The following MRPL1 variants were observed in gnomAD, a reference collection of about 807,000 sequenced individuals.
MRPL1 encodes large ribosomal subunit protein uL1m.
In MRPL1, 28 loss-of-function variants were observed where a neutral mutation model predicts 38.0. The observed-to-expected ratio is 0.74, with a 90% CI of 0.55 to 1.01. The LOEUF is 1.01. Ranked by LOEUF, MRPL1 falls within the 50% of genes least tolerant of loss-of-function variation. The pLI is 0.00. For synonymous variants in MRPL1, 123 were observed against 126.7 expected, an observed-to-expected ratio of 0.97 and a Z score of 0.20; for missense variants, 358 against 389.8, an observed-to-expected ratio of 0.92 and a Z score of 0.69.
At chr4:77,919,261 T>A (rs1736507223) in intron 7 of MRPL1, among the ~76,000 whole-genome samples, 1 of 152,178 alleles carries the variant, frequency 6.6e-6, no homozygotes, top group Non-Finnish European at 1.5e-5. Flanking sequence ...ACTGTTAGAT[T>A]TCTTGCATGA....
rs1444266833 is a variant in MRPL1 at position 77,935,764 on chromosome 4, C to G, written c.778-14033C>G. 2.0e-5 allele frequency among the ~76,000 whole-genome samples: 3 copies of G among 151,936 alleles called. No homozygotes were observed. In the East Asian group the frequency reaches 5.8e-4, roughly 29 times the overall value. The stretch of plus-strand genomic sequence containing the variant: ...ACTGTGGGCCAGGTGCACCCTGTCT[C>G]TAGTAAAAATACAAAAAATTAGCCG... On this transcript the variant is annotated intron_variant, in intron 7 of 8. Coordinates refer to ENST00000315567, the MANE Select transcript of MRPL1 (RefSeq NM_020236.4).
chr4:77,911,154 A>T (rs1195013603), intron 7 of MRPL1, among the ~76,000 whole-genome samples: 2 of 152,176 alleles, frequency 1.3e-5, no homozygotes. Context: ...GGTTTTGAAG[A>T]TTACATAAAA....
chr4:77,925,261 A>G (rs542380731), intron 7 of MRPL1, among the ~76,000 whole-genome samples: 6 of 152,184 alleles, frequency 3.9e-5, no homozygotes, highest in East Asian at 1.9e-4. Flanking sequence ...AATATGTATT[A>G]AACTATATAA....
chr4:77,947,538 A>T (rs745828902), intron 7 of MRPL1, among the ~76,000 whole-genome samples: 1 of 152,180 alleles, frequency 6.6e-6, no homozygotes, highest in Non-Finnish European at 1.5e-5. Flanking sequence ...CAAAGTAGTC[A>T]TCCTGCCTCC....
chr4:77,945,539 G>A (rs1737239674), intron 7 of MRPL1, among the ~76,000 whole-genome samples: 1 of 151,528 alleles, frequency 6.6e-6, no homozygotes, highest in Non-Finnish European at 1.5e-5. Flanking sequence ...CTGTAAGATT[G>A]TAAAAATCCT....
chr4:77,905,659 C>T (rs1417451216), intron 6 of MRPL1, among the ~76,000 whole-genome samples: 1 of 152,066 alleles, frequency 6.6e-6, no homozygotes, highest in African/African-American at 2.4e-5. Flanking sequence ...GATGGAACTA[C>T]CTTAAAAACT....
At chr4:77,951,550 TATGAC>T (rs1338720258) in intron 8 of MRPL1, among the ~76,000 whole-genome samples, 1 of 152,234 alleles carries the variant, frequency 6.6e-6, no homozygotes, top group Non-Finnish European at 1.5e-5. Context: ...TCACTGAAAA[TATGAC>T]ATGAGTTCTA....
At chr4:77,882,270 G>A (rs575759956) in intron 2 of MRPL1, among the ~76,000 whole-genome samples, 7 of 151,940 alleles carry the variant, frequency 4.6e-5, no homozygotes, top group African/African-American at 1.7e-4. Context: ...TTTTTATTAC[G>A]TTGTTTCTTT....
intron 1 of MRPL1, among the ~76,000 whole-genome samples, chr4:77,865,534 A>G (rs543570659): frequency 6.6e-6 from 1 of 150,500 alleles, no homozygotes; most frequent in South Asian, 2.1e-4. Context: ...ATGACCAGCT[A>G]ATTTTTTTTT....
chr4:77,891,057 G>C (rs1735794100), intron 5 of MRPL1, among the ~76,000 whole-genome samples: 1 of 151,984 alleles, frequency 6.6e-6, no homozygotes, highest in South Asian at 2.1e-4. Context: ...AATGATTTTT[G>C]GTTGCAGAAC....
intron 7 of MRPL1, among the ~76,000 whole-genome samples, chr4:77,948,422 T>C (rs574166644): frequency 3.3e-5 from 5 of 152,310 alleles, no homozygotes; most frequent in African/African-American, 9.6e-5. Context: ...TTAAAGTCTG[T>C]ACGGTGTATG....
intron 7 of MRPL1, among the ~76,000 whole-genome samples, chr4:77,930,487 T>C (rs1736819202): frequency 6.6e-6 from 1 of 152,214 alleles, no homozygotes; most frequent in Admixed American, 6.5e-5. Context: ...GGTTGCATGC[T>C]CCTTCTGGGA....
intron 5 of MRPL1, among the ~76,000 whole-genome samples, chr4:77,887,907 T>G (rs1026950086): frequency 6.6e-6 from 1 of 152,134 alleles, no homozygotes; most frequent in Admixed American, 6.5e-5. Context: ...TCTGAGAGTT[T>G]TGTGGATAGA....
chr4:77,940,011 G>T (rs1364975946), intron 7 of MRPL1, among the ~76,000 whole-genome samples: 2 of 152,098 alleles, frequency 1.3e-5, no homozygotes, highest in Non-Finnish European at 2.9e-5. Flanking sequence ...GCTTAGTCTT[G>T]CTTTGGCTAT....
chr4:77,952,626 T>C lies in MRPL1; in HGVS notation c.*19T>C. 1 of 1,474,438 alleles carries C rather than the reference T, an allele frequency of 6.8e-7. No individual in the cohort carries two copies. Among genetic ancestry groups the C allele is most frequent in the Non-Finnish European group, 9.5e-7 (1 of 1,057,964 alleles). 91.3% of individuals were successfully genotyped at this position (1,474,438 alleles called of 1,614,324 possible). A position where few individuals can be genotyped will look rare whatever the true frequency, so the allele number is the denominator to read the frequency against. On this transcript the variant is annotated 3_prime_UTR_variant, in exon 9 of 9. Coordinates refer to ENST00000315567, the MANE Select transcript of MRPL1 (RefSeq NM_020236.4). ...TGCCTAAATGTGGTGAATTGTGAAA[T>C]TACTTTCAGTGGTTTAAGAAGCAAT... is the stretch of plus-strand genomic sequence containing the variant.
chr4:77,947,671 A>G (rs1043629263), intron 7 of MRPL1, among the ~76,000 whole-genome samples: 1 of 152,200 alleles, frequency 6.6e-6, no homozygotes, highest in Non-Finnish European at 1.5e-5. Context: ...GTCATCCCAA[A>G]TGAATTTCGT....
intron 1 of MRPL1, among the ~76,000 whole-genome samples, chr4:77,866,487 T>C (rs1735145555): frequency 6.6e-6 from 1 of 152,228 alleles, no homozygotes; most frequent in Admixed American, 6.5e-5. Context: ...ATTATTCTTC[T>C]GTTGAGTAGC....
At chr4:77,881,258 C>T (rs751498059) in intron 2 of MRPL1, among the ~76,000 whole-genome samples, 1 of 152,072 alleles carries the variant, frequency 6.6e-6, no homozygotes, top group Non-Finnish European at 1.5e-5. Context: ...TTGACCCATA[C>T]TCAAACTTCA....
At chr4:77,893,807 A>G (rs1480522427) in intron 5 of MRPL1, among the ~76,000 whole-genome samples, 5 of 152,198 alleles carry the variant, frequency 3.3e-5, no homozygotes, top group African/African-American at 1.2e-4. Flanking sequence ...TTCAGTTTTA[A>G]TAAATATATG....
Sources: gnomAD v4.1 joint callset for allele counts (sites outside exome capture counted in the v4.1 genomes callset) on GRCh38, gnomAD v4.1.1 for gene constraint, MANE v1.5 for transcripts, NCBI Gene and HGNC (gene_info 2026-07-23, HGNC 2026-07-21) for gene names.